Variants in FRMD4A observed in about 807,000 individuals in gnomAD.
FRMD4A encodes the protein FERM domain-containing protein 4A.
FRMD4A carries 29 observed loss-of-function variants against 129.1 expected under a neutral mutation model. That is an observed-to-expected ratio of 0.22 (90% CI 0.17 to 0.31). FRMD4A has a LOEUF of 0.31. FRMD4A is among the 10% of genes least tolerant of loss of function. The pLI, the probability that FRMD4A is intolerant of heterozygous loss-of-function variation, is 1.00. For missense variants in FRMD4A, 1,272 were observed against 1,375.8 expected, an observed-to-expected ratio of 0.92 and a Z score of 1.19; for synonymous variants, 634 against 571.6, an observed-to-expected ratio of 1.11 and a Z score of -1.56.
intron 2 of FRMD4A, among the ~76,000 whole-genome samples, chr10:13,948,230 A>G (rs988504502): frequency 6.6e-6 from 1 of 152,152 alleles, no homozygotes; most frequent in African/African-American, 2.4e-5. Context: ...ACTGTTGCCC[A>G]GGCTGGAGTG....
chr10:13,934,634 T>A (rs931221820), intron 2 of FRMD4A, among the ~76,000 whole-genome samples: 1 of 152,194 alleles, frequency 6.6e-6, no homozygotes, highest in Non-Finnish European at 1.5e-5. Flanking sequence ...GCAGTAAAAA[T>A]GGCTGGTCCT....
intron 2 of FRMD4A, among the ~76,000 whole-genome samples, chr10:14,259,442 C>A (rs1844725599): frequency 6.6e-6 from 1 of 151,894 alleles, no homozygotes; most frequent in South Asian, 2.1e-4. Flanking sequence ...GGCATTTTTT[C>A]AATTTTAATA....
chr10:14,167,285 A>G (rs1023646099), intron 2 of FRMD4A, among the ~76,000 whole-genome samples: 2 of 152,110 alleles, frequency 1.3e-5, no homozygotes, highest in African/African-American at 4.8e-5. Context: ...TAATCCCAGC[A>G]GTTTGGGAGG....
chr10:13,843,763 G>A (rs2094004434), intron 3 of FRMD4A, among the ~76,000 whole-genome samples: 2 of 152,142 alleles, frequency 1.3e-5, no homozygotes, highest in Admixed American at 6.5e-5. Context: ...CTCCCAAAGT[G>A]CTGGGAATTA....
chr10:13,886,031 C>T (rs191981306), intron 2 of FRMD4A, among the ~76,000 whole-genome samples: 1 of 152,218 alleles, frequency 6.6e-6, no homozygotes, highest in Admixed American at 6.5e-5. Flanking sequence ...GTAGGTATGT[C>T]GTCTAGCTCT....
chr10:14,135,276 G>C (rs969109418), intron 2 of FRMD4A, among the ~76,000 whole-genome samples: 2 of 152,130 alleles, frequency 1.3e-5, no homozygotes, highest in African/African-American at 4.8e-5. Context: ...ACCTAACTTA[G>C]GAGTATGTGC....
intron 3 of FRMD4A, among the ~76,000 whole-genome samples, chr10:13,832,152 A>G (rs563077278): frequency 1.4e-5 from 2 of 147,584 alleles, no homozygotes; most frequent in Non-Finnish European, 1.5e-5. Flanking sequence ...TTGCCGGCCC[A>G]GCTCACCGGG....
intron 15 of FRMD4A, chr10:13,693,501 T>A (rs1446216216): frequency 1.7e-6 from 2 of 1,164,740 alleles, no homozygotes; most frequent in Non-Finnish European, 2.1e-6. Flanking sequence ...GAATGCAGTG[T>A]CTCCTGGCAC....
Position 13,741,367 on chromosome 10 carries a change from C to T in FRMD4A, c.549-790G>A, listed in dbSNP as rs936798493. 3.9e-5 allele frequency among the ~76,000 whole-genome samples: 6 copies of T among 152,206 alleles called. No homozygotes were observed. The East Asian group carries it at 1.2e-3, about 29-fold the overall frequency. ...TTGGGAGGCTGAGGTGGGAGGATTG[C>T]TTGAGCCCAGGAGGTCAAGGCTGCA... On this transcript the variant is annotated intron_variant, in intron 9 of 24. Transcript: ENST00000357447.
chr10:13,718,266 G>T (rs2089050276), intron 12 of FRMD4A, among the ~76,000 whole-genome samples: 1 of 152,242 alleles, frequency 6.6e-6, no homozygotes, highest in South Asian at 2.1e-4. Context: ...TCAGGCCAGG[G>T]GTTTGTGGTT....
At chr10:14,327,173 C>G (rs2132128607) in intron 2 of FRMD4A, among the ~76,000 whole-genome samples, 1 of 152,364 alleles carries the variant, frequency 6.6e-6, no homozygotes. Context: ...AATGGACCAA[C>G]TTAGGTTCCT....
intron 2 of FRMD4A, among the ~76,000 whole-genome samples, chr10:13,998,819 C>T (rs2095631988): frequency 6.6e-6 from 1 of 152,202 alleles, no homozygotes; most frequent in African/African-American, 2.4e-5. Context: ...TACTAGTAAC[C>T]TCATGCAACA....
chr10:13,652,013 T>C (rs371882269), intron 23 of FRMD4A, 39 bp from the exon 24 acceptor site: 32 of 1,094,160 alleles, frequency 2.9e-5, no homozygotes, highest in Non-Finnish European at 4.1e-5. Context: ...AGAAGAGAGG[T>C]CATGTTACAG....
intron 2 of FRMD4A, among the ~76,000 whole-genome samples, chr10:14,323,375 G>C (rs1330496567): frequency 1.3e-5 from 2 of 152,168 alleles, no homozygotes; most frequent in African/African-American, 4.8e-5. Flanking sequence ...TTACATGGTA[G>C]CTATTATTAT....
intron 5 of FRMD4A, among the ~76,000 whole-genome samples, chr10:13,784,085 G>T (rs1693592143): frequency 6.6e-6 from 1 of 152,192 alleles, no homozygotes; most frequent in African/African-American, 2.4e-5. Flanking sequence ...AACCCTTAGG[G>T]TGGACTAGGA....
In FRMD4A at chr10:14,140,958, T is replaced by C. The variant is rs555043939; in HGVS notation, c.45+189100A>G. 3.3e-5 allele frequency among the ~76,000 whole-genome samples: 5 copies of C among 152,070 alleles called. No individual in the cohort carries two copies. The South Asian group carries it at 8.3e-4, about 25-fold the overall frequency. ...AAAGTGGCAGGGACCGGCCAGCAAT[T>C]GTAGAAGGACAGCAGAGATTCAGCC... On this transcript the variant is annotated intron_variant, in intron 2 of 24. Transcript: ENST00000357447.
Position 13,657,216 on chromosome 10 carries a change from GCCC to G in FRMD4A, c.2370_2372del (p.Gly791del). 1 of 1,551,786 alleles carries G rather than the reference GCCC, an allele frequency of 6.4e-7. No homozygotes were observed. Among genetic ancestry groups the G allele is most frequent in the South Asian group, 1.2e-5 (1 of 85,150 alleles). ...TGCCCGAGCTGGCTGAGCCCAGTGC[GCCC>G]GCCGCCCGCTGCCGCTGCCTCTGCC... On this transcript the variant is annotated inframe_deletion, in exon 22 of 25. Coordinates refer to ENST00000357447, the MANE Select transcript of FRMD4A (RefSeq NM_018027.5).
intron 2 of FRMD4A, among the ~76,000 whole-genome samples, chr10:14,158,625 TA>T (rs200238269): frequency 2.7e-5 from 3 of 112,090 alleles, no homozygotes; most frequent in African/African-American, 6.8e-5. Context: ...CAAAAATAAA[TA>T]AAAAAAAAGA....
intron 13 of FRMD4A, among the ~76,000 whole-genome samples, chr10:13,702,878 G>A (rs2086986113): frequency 6.9e-6 from 1 of 144,572 alleles, no homozygotes; most frequent in African/African-American, 2.6e-5. Flanking sequence ...AGTCCACACA[G>A]GTTTTTTCTC....
Sources: gnomAD v4.1 joint callset for allele counts (sites outside exome capture counted in the v4.1 genomes callset) on GRCh38, gnomAD v4.1.1 for gene constraint, MANE v1.5 for transcripts, NCBI Gene and HGNC (gene_info 2026-07-23, HGNC 2026-07-21) for gene names.